Variants in SUPT3H observed in about 807,000 individuals in gnomAD.
The protein encoded by SUPT3H is transcription initiation protein SPT3 homolog.
A neutral mutation model predicts 44.3 loss-of-function variants in SUPT3H; 44 were observed. That is an observed-to-expected ratio of 0.99 (90% confidence interval 0.78 to 1.28). The LOEUF (loss-of-function observed/expected upper bound fraction) is 1.28, where lower values mean the gene tolerates loss of function less well. Ranked by LOEUF, SUPT3H falls within the 50% of genes most tolerant of loss-of-function variation. The pLI, the probability that SUPT3H is intolerant of heterozygous loss-of-function variation, is 0.00. For synonymous variants in SUPT3H, 124 were observed against 125.6 expected, an observed-to-expected ratio of 0.99 and a Z score of 0.09; for missense variants, 380 against 387.1, an observed-to-expected ratio of 0.98 and a Z score of 0.15.
At chr6:44,994,636 A>T (rs573944805) in intron 6 of SUPT3H, among the ~76,000 whole-genome samples, 29 of 152,184 alleles carry the variant, frequency 1.9e-4, no homozygotes, top group African/African-American at 6.7e-4. Context: ...AGATGTTGTG[A>T]CCCAAGCCTT....
chr6:45,038,584 T>G (rs1788038292), intron 3 of SUPT3H, among the ~76,000 whole-genome samples: 1 of 152,206 alleles, frequency 6.6e-6, no homozygotes, highest in South Asian at 2.1e-4. Flanking sequence ...CTTTAAAACA[T>G]GTACAAATAG....
intron 3 of SUPT3H, among the ~76,000 whole-genome samples, chr6:45,029,281 T>C (rs574567250): frequency 7.1e-4 from 107 of 151,444 alleles, no homozygotes; most frequent in Non-Finnish European, 1.3e-3. Context: ...ATTACCAGGA[T>C]CTCATGGCTC....
chr6:44,982,063 A>G (rs1779166661), intron 6 of SUPT3H, among the ~76,000 whole-genome samples: 1 of 152,190 alleles, frequency 6.6e-6, no homozygotes, highest in East Asian at 1.9e-4. Context: ...AAGCAAAACA[A>G]AAGAAAAGAA....
At position 45,296,763 on chromosome 6, in the gene SUPT3H, A is replaced by AAAAG. The variant is rs773626169; in HGVS notation, c.101+68437_101+68438insCTTT. On this transcript the variant is annotated intron_variant, in intron 2 of 10. Transcript: ENST00000371459. Reference sequence around the variant, plus strand: ...CAAAAAAAAAAAAAAAAAAAAAAAAAATTACAAATAGGGTGCAGCGTATTC... The same window carrying AAAAG: ...CAAAAAAAAAAAAAAAAAAAAAAAAAAAAGATTACAAATAGGGTGCAGCGTATTC... 1.2e-3 allele frequency among the ~76,000 whole-genome samples: 146 copies of AAAAG among 125,118 alleles called. 9 individuals carry two copies. The highest frequency in any genetic ancestry group is 3.8e-3 in the East Asian group (14 of 3,682). The allele number at this position is 125,118 out of a possible 152,430, so 82.1% of individuals were successfully genotyped here. A position where few individuals can be genotyped will look rare whatever the true frequency, so the allele number is the denominator to read the frequency against.
chr6:44,972,787 A>C (rs183578290), intron 6 of SUPT3H, among the ~76,000 whole-genome samples: 1 of 152,334 alleles, frequency 6.6e-6, no homozygotes, highest in East Asian at 1.9e-4. Context: ...GGAAGCTGCC[A>C]AGGCTTGGGA....
chr6:44,822,414 C>G (rs1767390632), downstream of SUPT3H, among the ~76,000 whole-genome samples: 1 of 152,140 alleles, frequency 6.6e-6, no homozygotes, highest in African/African-American at 2.4e-5. Flanking sequence ...GGCTCATTGT[C>G]TTTACAGTGA....
chr6:45,092,479 G>A (rs903397149), intron 3 of SUPT3H, among the ~76,000 whole-genome samples: 4 of 151,954 alleles, frequency 2.6e-5, no homozygotes, highest in African/African-American at 7.3e-5. Context: ...AGCCGGGTGC[G>A]GTGGCTCACA....
intron 11 of SUPT3H, among the ~76,000 whole-genome samples, chr6:44,813,750 A>G (rs1581798379): frequency 6.6e-6 from 1 of 152,030 alleles, no homozygotes; most frequent in African/African-American, 2.4e-5. Context: ...ATAGAATTTT[A>G]GAAGGAAAGT....
intron 2 of SUPT3H, among the ~76,000 whole-genome samples, chr6:45,173,150 ACT>A (rs1811109407): frequency 6.6e-6 from 1 of 152,278 alleles, no homozygotes; most frequent in East Asian, 1.9e-4. Flanking sequence ...TAAAAAAAAC[ACT>A]GTTTTAATAT....
chr6:44,917,170 A>T (rs902645077), intron 10 of SUPT3H, among the ~76,000 whole-genome samples: 36 of 152,060 alleles, frequency 2.4e-4, no homozygotes, highest in Non-Finnish European at 4.1e-4. Flanking sequence ...AAAAAAAAAA[A>T]TTGCTAATTT....
chr6:44,861,374 G>GTTTTA (rs1774629586), intron 10 of SUPT3H, among the ~76,000 whole-genome samples: 2 of 150,706 alleles, frequency 1.3e-5, no homozygotes, highest in Admixed American at 6.6e-5. Flanking sequence ...CTCAGCCACA[G>GTTTTA]TTTTCTTTTC....
chr6:44,953,479 G>T, intron 8 of SUPT3H, 62 bp from the exon 9 acceptor site: 1 of 1,377,530 alleles, frequency 7.3e-7, no homozygotes, highest in Non-Finnish European at 1.0e-6. Context: ...CACTGAAGTG[G>T]CAAACCTAAA....
intron 2 of SUPT3H, among the ~76,000 whole-genome samples, chr6:45,291,399 C>A (rs200328801): frequency 6.6e-6 from 1 of 152,134 alleles, no homozygotes; most frequent in East Asian, 1.9e-4. Flanking sequence ...TTCTTTAACA[C>A]CCCCCAAAAT....
At chr6:44,815,555 G>A (rs1189586545) in intron 11 of SUPT3H, among the ~76,000 whole-genome samples, 3 of 152,138 alleles carry the variant, frequency 2.0e-5, no homozygotes, top group African/African-American at 7.2e-5. Context: ...GTACACTTCA[G>A]AACATGACAT....
chr6:44,985,489 C>G (rs921280115), intron 6 of SUPT3H, among the ~76,000 whole-genome samples: 3 of 152,068 alleles, frequency 2.0e-5, no homozygotes, highest in African/African-American at 7.2e-5. Flanking sequence ...CTAAACAAAT[C>G]CATCTTCCCA....
At chr6:45,229,652 C>T (rs547969550) in intron 2 of SUPT3H, among the ~76,000 whole-genome samples, 1 of 152,110 alleles carries the variant, frequency 6.6e-6, no homozygotes, top group African/African-American at 2.4e-5. Context: ...GTAGCTAAAC[C>T]TCCTTCAAAC....
chr6:44,931,882 A>G (rs1478336026), intron 10 of SUPT3H, among the ~76,000 whole-genome samples: 2 of 151,408 alleles, frequency 1.3e-5, no homozygotes, highest in Non-Finnish European at 2.9e-5. Context: ...TTGTTTATGT[A>G]TAATGTTATA....
intron 9 of SUPT3H, among the ~76,000 whole-genome samples, chr6:44,937,181 T>G (rs73443286): frequency 0.12 from 17,903 of 152,064 alleles, 1,246 homozygotes; most frequent in African/African-American, 0.19. Context: ...GAATGATAGT[T>G]CTATTTTCAG....
chr6:45,183,962 CAA>C (rs914124615), intron 2 of SUPT3H, among the ~76,000 whole-genome samples: 1 of 152,068 alleles, frequency 6.6e-6, no homozygotes, highest in African/African-American at 2.4e-5. Context: ...CAGGTAGACA[CAA>C]AGAATTTTTA....
Sources: gnomAD v4.1 joint callset for allele counts (sites outside exome capture counted in the v4.1 genomes callset) on GRCh38, gnomAD v4.1.1 for gene constraint, MANE v1.5 for transcripts, NCBI Gene and HGNC (gene_info 2026-07-23, HGNC 2026-07-21) for gene names.